AGAP1: variants seen among roughly 807,000 people sequenced by gnomAD.
AGAP1 encodes ArfGAP with GTPase domain, ankyrin repeat and PH domain 1.
In AGAP1, 29 loss-of-function variants were observed where a neutral mutation model predicts 105.3. The observed-to-expected ratio is 0.28, with a 90% CI of 0.21 to 0.38. The LOEUF is 0.38. Among genes scored for constraint, AGAP1 ranks in the 10% least tolerant of loss-of-function variants. The pLI, the probability that AGAP1 is intolerant of heterozygous loss-of-function variation, is 1.00. For synonymous variants in AGAP1, 509 were observed against 485.9 expected (o/e 1.05, Z -0.63); for missense variants, 998 against 1,165.1 (o/e 0.86, Z 2.09).
Position 235,642,816 on chromosome 2 carries a change from T to G in AGAP1, c.164-66363T>G, listed in dbSNP as rs1947242887. 6.6e-6 allele frequency among the ~76,000 whole-genome samples: 1 copy of G among 152,204 alleles called. No homozygotes were observed. Among genetic ancestry groups the G allele is most frequent in the East Asian group, 1.9e-4 (1 of 5,198 alleles). On this transcript the variant is annotated intron_variant, in intron 1 of 17. Coordinates refer to ENST00000304032, the MANE Select transcript of AGAP1 (RefSeq NM_001037131.3). This position sits in a 1 kb window ranked among gnomAD's most constrained non-coding sequence, Gnocchi z 4.1. ...TTATCTCATTGTCTTGGAATAAAATTATTTTGCTTTGCAAAGATTAGGCAA... is the reference window on the plus strand; with the variant it reads ...TTATCTCATTGTCTTGGAATAAAATGATTTTGCTTTGCAAAGATTAGGCAA...
At chr2:235,498,825 G>A (rs1941437746) in intron 1 of AGAP1, among the ~76,000 whole-genome samples, 1 of 152,198 alleles carries the variant, frequency 6.6e-6, no homozygotes, top group South Asian at 2.1e-4. Flanking sequence ...GCCGATGAGA[G>A]GAAACCCAGG....
chr2:236,002,264 C>G lies in AGAP1; in HGVS notation c.1645+33641C>G, dbSNP rs915272396. Among the ~76,000 whole-genome samples, 1 of 152,162 alleles carries G rather than the reference C, an allele frequency of 6.6e-6. No individual in the cohort carries two copies. Among genetic ancestry groups the G allele is most frequent in the African/African-American group, 2.4e-5 (1 of 41,448 alleles). Reference sequence around the variant, plus strand: ...GACAAACACAACATGACCCACGCACCCAGCCTGAGCCCAGGAGGCTCCTGG... The same window carrying G: ...GACAAACACAACATGACCCACGCACGCAGCCTGAGCCCAGGAGGCTCCTGG... On this transcript the variant is annotated intron_variant, in intron 13 of 17. Coordinates refer to ENST00000304032, the MANE Select transcript of AGAP1 (RefSeq NM_001037131.3). This position sits in a 1 kb window ranked among gnomAD's most constrained non-coding sequence, Gnocchi z 4.3.
chr2:235,991,001 G>A (rs1220947404), intron 13 of AGAP1, among the ~76,000 whole-genome samples: 1 of 152,126 alleles, frequency 6.6e-6, no homozygotes, highest in Admixed American at 6.5e-5. Context: ...TGAGGCTGTC[G>A]CCAGGTGGCC....
intron 12 of AGAP1, among the ~76,000 whole-genome samples, chr2:235,943,101 A>G (rs1269558348): frequency 1.3e-5 from 2 of 152,240 alleles, no homozygotes; most frequent in Non-Finnish European, 2.9e-5. Context: ...TATAATGTAC[A>G]TTTTGAAGCA....
In AGAP1 at chr2:235,789,003, T is replaced by C. The variant is rs1575468998; in HGVS notation, c.674-8756T>C. Among the ~76,000 whole-genome samples the C allele has an allele frequency of 6.6e-6, 1 of 152,336 alleles. No individual in the cohort carries two copies. On this transcript the variant is annotated intron_variant, in intron 6 of 17. Transcript: ENST00000304032. This position sits in a 1 kb window ranked among gnomAD's most constrained non-coding sequence, Gnocchi z 4.2. ...TATGGGAACAGACATTCCTGATTTT[T>C]GGCAGCTCGACTTTGGGATTAAATG...
chr2:236,004,795 C>A (rs1188005055), intron 13 of AGAP1, among the ~76,000 whole-genome samples: 3 of 152,134 alleles, frequency 2.0e-5, no homozygotes, highest in Non-Finnish European at 4.4e-5. Context: ...GTGTGTGCCA[C>A]AGTAAGATTT....
chr2:235,502,169 A>G (rs1372125620), intron 1 of AGAP1, among the ~76,000 whole-genome samples: 4 of 152,078 alleles, frequency 2.6e-5, no homozygotes, highest in Non-Finnish European at 4.4e-5. Context: ...CGTGGGGTCC[A>G]GTCCCTCTAT....
chr2:235,860,301 G>A (rs932638588), intron 9 of AGAP1, among the ~76,000 whole-genome samples: 5 of 152,126 alleles, frequency 3.3e-5, no homozygotes, highest in East Asian at 1.9e-4. Context: ...AAGTCATTAC[G>A]TAAGTGCGTT....
intron 13 of AGAP1, among the ~76,000 whole-genome samples, chr2:235,978,020 G>A (rs1037084269): frequency 2.6e-5 from 4 of 151,982 alleles, no homozygotes; most frequent in African/African-American, 9.7e-5. Flanking sequence ...GTCCTCATGT[G>A]GCCCTTCTGT....
intron 12 of AGAP1, among the ~76,000 whole-genome samples, chr2:235,939,049 G>T (rs2053127718): frequency 6.6e-6 from 1 of 152,164 alleles, no homozygotes; most frequent in African/African-American, 2.4e-5. Flanking sequence ...GTGTGTGAAT[G>T]GTGGTTATAG....
rs758217419 is a variant in AGAP1, at chr2:235,992,572, G to A, written c.1645+23949G>A. Among the ~76,000 whole-genome samples, 32 of 152,170 alleles carry A rather than the reference G, an allele frequency of 2.1e-4. No individual in the cohort carries two copies. The highest frequency in any genetic ancestry group is 5.1e-4 in the African/African-American group (21 of 41,440). On this transcript the variant is annotated intron_variant, in intron 13 of 17. Transcript: ENST00000304032. This position sits in a 1 kb window ranked among gnomAD's most constrained non-coding sequence, Gnocchi z 4.8. The stretch of plus-strand genomic sequence containing the variant: ...TTATTGACTCACCTAAGAAAGGCTC[G>A]GGGACACTGTTGTGTTCTGATGTAA...
At chr2:235,831,581 T>C (rs1959418375) in intron 9 of AGAP1, among the ~76,000 whole-genome samples, 1 of 152,266 alleles carries the variant, frequency 6.6e-6, no homozygotes, top group Non-Finnish European at 1.5e-5. Context: ...CCTTTTCAGA[T>C]TGGCTTATAT....
Position 235,662,955 on chromosome 2 carries a change from A to G in AGAP1, c.164-46224A>G, listed in dbSNP as rs11685802. ...GCATGTTCTAACTAGGAGGGCAGGT[A>G]GCTGCCGCTCCCAGCAGCCCCTGAT... On this transcript the variant is annotated intron_variant, in intron 1 of 17. Coordinates refer to ENST00000304032, the MANE Select transcript of AGAP1 (RefSeq NM_001037131.3). This position sits in a 1 kb window ranked among gnomAD's most constrained non-coding sequence, Gnocchi z 4.2. Among the ~76,000 whole-genome samples the G allele has an allele frequency of 0.031, 4,785 of 152,300 alleles. 233 individuals are homozygous for G. The highest frequency in any genetic ancestry group is 0.1 in the African/African-American group (4,303 of 41,556).
At chr2:235,912,429 C>G (rs1186303567) in intron 11 of AGAP1, among the ~76,000 whole-genome samples, 1 of 152,152 alleles carries the variant, frequency 6.6e-6, no homozygotes, top group African/African-American at 2.4e-5. Context: ...AATACTTAAC[C>G]TTATTCTTCA....
In AGAP1 at chr2:235,655,010, C is replaced by G. The variant is rs1049211931; in HGVS notation, c.164-54169C>G. ...AAATGACTTTCTGATTGAATCATATCATTTTAAACAAAGCTCTTTCATGAA... is the reference window on the plus strand; with the variant it reads ...AAATGACTTTCTGATTGAATCATATGATTTTAAACAAAGCTCTTTCATGAA... On this transcript the variant is annotated intron_variant, in intron 1 of 17. Transcript: ENST00000304032. The surrounding 1 kb of genome is among the most constrained non-coding windows in gnomAD (Gnocchi z 4.3). 4.6e-5 allele frequency among the ~76,000 whole-genome samples: 7 copies of G among 151,750 alleles called. No individual in the cohort carries two copies. The highest frequency in any genetic ancestry group is 1.0e-4 in the Non-Finnish European group (7 of 67,952).
rs753610702 is a variant in AGAP1 at position 236,049,225 on chromosome 2, C to T, written c.2058C>T (p.Asn686=). Reference sequence around the variant, plus strand: ...CATCCATCGGGAACGAGCTAGCCAACAGCGTCTGGGAAGAGAGCAGCCAGG... The same window carrying T: ...CATCCATCGGGAACGAGCTAGCCAATAGCGTCTGGGAAGAGAGCAGCCAGG... ...VMSSIGNELA[N]SVWEESSQGR... The change falls in exon 16 of 18, where the codon AAC becomes AAT. Residue 686 remains asparagine, a synonymous_variant. Transcript: ENST00000304032. 1.2e-6 allele frequency: 2 copies of T among 1,614,118 alleles called. No homozygotes were observed. The highest frequency in any genetic ancestry group is 8.5e-7 in the Non-Finnish European group (1 of 1,180,064).
At chr2:235,658,174 TTAAA>T (rs1947835097) in intron 1 of AGAP1, among the ~76,000 whole-genome samples, 1 of 152,240 alleles carries the variant, frequency 6.6e-6, no homozygotes, top group Non-Finnish European at 1.5e-5. Context: ...TGGTGGCCAA[TTAAA>T]TATTTATGGA....
chr2:235,617,073 G>T (rs1946331036), intron 1 of AGAP1, among the ~76,000 whole-genome samples: 2 of 151,860 alleles, frequency 1.3e-5, no homozygotes, highest in South Asian at 4.1e-4. Flanking sequence ...GGAAACATTT[G>T]CTTTCACTTT....
rs748074020 is a variant in AGAP1, at chr2:236,073,919, G to A, written c.2114+24638G>A. Among the ~76,000 whole-genome samples, 16 of 138,504 alleles carry A rather than the reference G, an allele frequency of 1.2e-4. No homozygotes were observed. Among genetic ancestry groups the A allele is most frequent in the Non-Finnish European group, 2.2e-4 (13 of 60,096 alleles). The allele number at this position is 138,504 out of a possible 152,430, so 90.9% of individuals were successfully genotyped here. The stretch of plus-strand genomic sequence containing the variant: ...CATGCCCCTCCCCCCAAGCATTTCC[G>A]CTGCACATCCCAGCTCAAGAACCAC... On this transcript the variant is annotated intron_variant, in intron 16 of 17. Transcript: ENST00000304032. The surrounding 1 kb of genome is among the most constrained non-coding windows in gnomAD (Gnocchi z 5.4).
Sources: gnomAD v4.1 joint callset for allele counts (sites outside exome capture counted in the v4.1 genomes callset) on GRCh38, gnomAD v4.1.1 for gene constraint, Gnocchi (gnomAD v3.1) non-coding constraint, MANE v1.5 for transcripts, NCBI Gene and HGNC (gene_info 2026-07-23, HGNC 2026-07-21) for gene names.